Variants in CRPPA observed in about 807,000 individuals in gnomAD.
CRPPA encodes D-ribitol-5-phosphate cytidylyltransferase.
In CRPPA, 43 loss-of-function variants were observed where a neutral mutation model predicts 52.0. That is an observed-to-expected ratio of 0.83 (90% confidence interval 0.65 to 1.07). CRPPA has a LOEUF of 1.07. Among genes scored for constraint, CRPPA ranks in the 50% least tolerant of loss-of-function variants. CRPPA has a pLI of 0.00. For missense variants in CRPPA, 629 were observed against 551.7 expected (o/e 1.14, Z -1.40); for synonymous variants, 250 against 203.5 (o/e 1.23, Z -1.94).
chr7:16,371,752 T>C (rs1786754812), intron 3 of CRPPA, among the ~76,000 whole-genome samples: 1 of 151,734 alleles, frequency 6.6e-6, no homozygotes, highest in Non-Finnish European at 1.5e-5. Flanking sequence ...AGAAAGTTGA[T>C]TATTAAGCTA....
At chr7:16,380,256 T>C (rs1258356771) in intron 2 of CRPPA, among the ~76,000 whole-genome samples, 2 of 151,414 alleles carry the variant, frequency 1.3e-5, no homozygotes, top group African/African-American at 2.4e-5. Flanking sequence ...ATCATGTGGT[T>C]TTTGTCTTTG....
intron 9 of CRPPA, among the ~76,000 whole-genome samples, chr7:16,104,216 TA>T (rs770410667): frequency 2.0e-5 from 3 of 152,200 alleles, no homozygotes; most frequent in Non-Finnish European, 4.4e-5. Context: ...CTGTTCTGAA[TA>T]GAGTAGTGCC....
chr7:16,198,016 G>A (rs1781774992), intron 9 of CRPPA, among the ~76,000 whole-genome samples: 3 of 124,610 alleles, frequency 2.4e-5, no homozygotes, highest in African/African-American at 9.5e-5. Context: ...CAAAAACTGC[G>A]GAAGGCCGCA....
chr7:16,326,612 T>A (rs1299464218), intron 3 of CRPPA, among the ~76,000 whole-genome samples: 1 of 152,210 alleles, frequency 6.6e-6, no homozygotes, highest in Admixed American at 6.5e-5. Flanking sequence ...AATAACTTTT[T>A]AAAAATTCTG....
At chr7:16,331,118 G>A (rs1785541855) in intron 3 of CRPPA, among the ~76,000 whole-genome samples, 1 of 152,134 alleles carries the variant, frequency 6.6e-6, no homozygotes, top group Non-Finnish European at 1.5e-5. Context: ...TCCTGCCTCA[G>A]CCTCCCGAGT....
chr7:16,095,322 T>C (rs1317073504), intron 9 of CRPPA, among the ~76,000 whole-genome samples: 1 of 152,196 alleles, frequency 6.6e-6, no homozygotes, highest in Non-Finnish European at 1.5e-5. Context: ...TATACAGCCT[T>C]GACAACTTAA....
At chr7:16,234,411 G>A (rs1346617356) in intron 8 of CRPPA, among the ~76,000 whole-genome samples, 1 of 151,968 alleles carries the variant, frequency 6.6e-6, no homozygotes, top group Non-Finnish European at 1.5e-5. Context: ...CTAAAAGCAG[G>A]CACTTGTAAG....
chr7:16,242,207 G>A (rs539353572), intron 8 of CRPPA, among the ~76,000 whole-genome samples: 1 of 151,832 alleles, frequency 6.6e-6, no homozygotes, highest in South Asian at 2.1e-4. Context: ...GCCCACCTCT[G>A]CCTCCCAAAG....
intron 2 of CRPPA, among the ~76,000 whole-genome samples, chr7:16,405,541 A>C (rs977109769): frequency 1.3e-5 from 2 of 152,172 alleles, no homozygotes; most frequent in Non-Finnish European, 2.9e-5. Context: ...GAAGGAAAAA[A>C]ATAAACATGC....
intron 9 of CRPPA, among the ~76,000 whole-genome samples, chr7:16,186,252 A>G (rs879331895): frequency 6.6e-6 from 1 of 152,216 alleles, no homozygotes; most frequent in South Asian, 2.1e-4. Flanking sequence ...AGCTAATCCT[A>G]TGGTATTTGG....
chr7:16,160,353 A>G (rs1335757996), intron 9 of CRPPA, among the ~76,000 whole-genome samples: 25 of 152,218 alleles, frequency 1.6e-4, no homozygotes, highest in Admixed American at 1.6e-3. Flanking sequence ...AATAAGGTAT[A>G]AGGAAGGGGT....
At chr7:16,113,098 TGA>T (rs967847087) in intron 9 of CRPPA, among the ~76,000 whole-genome samples, 2 of 151,936 alleles carry the variant, frequency 1.3e-5, no homozygotes, top group Admixed American at 1.3e-4. Flanking sequence ...TCTCTCTCAA[TGA>T]GAGTCTTGAA....
At chr7:16,148,748 C>G (rs964012595) in intron 9 of CRPPA, among the ~76,000 whole-genome samples, 8 of 151,926 alleles carry the variant, frequency 5.3e-5, no homozygotes, top group African/African-American at 1.9e-4. Flanking sequence ...CAGACCAAGT[C>G]CGTGATAATA....
At chr7:16,176,130 C>CA (rs750077973) in intron 9 of CRPPA, among the ~76,000 whole-genome samples, 1 of 152,080 alleles carries the variant, frequency 6.6e-6, no homozygotes, top group South Asian at 2.1e-4. Flanking sequence ...TCTCTACAAA[C>CA]AACCTTAAAT....
intron 9 of CRPPA, among the ~76,000 whole-genome samples, chr7:16,191,252 G>C (rs10228738): frequency 0.029 from 4,360 of 152,130 alleles, 208 homozygotes; most frequent in African/African-American, 0.1. Flanking sequence ...GTATGTTCTA[G>C]AATGAAGACC....
At chr7:16,359,842 G>C (rs963162555) in intron 3 of CRPPA, among the ~76,000 whole-genome samples, 1 of 152,068 alleles carries the variant, frequency 6.6e-6, no homozygotes, top group African/African-American at 2.4e-5. Context: ...CAGTAATTTT[G>C]TGCCTTTGAG....
intron 3 of CRPPA, among the ~76,000 whole-genome samples, chr7:16,365,180 G>T (rs1417521773): frequency 6.6e-6 from 1 of 152,150 alleles, no homozygotes; most frequent in African/African-American, 2.4e-5. Context: ...ACAGGTCATA[G>T]GATCTGGCTT....
chr7:16,379,798 A>G (rs1180445436), intron 2 of CRPPA, among the ~76,000 whole-genome samples: 3 of 152,062 alleles, frequency 2.0e-5, no homozygotes, highest in East Asian at 3.8e-4. Flanking sequence ...TTTGTCTGTT[A>G]TTGATGTATA....
intron 9 of CRPPA, among the ~76,000 whole-genome samples, chr7:16,213,749 CAA>C (rs11454459): frequency 3.8e-5 from 5 of 131,900 alleles, no homozygotes; most frequent in African/African-American, 2.8e-5. Context: ...AACTTCGGCT[CAA>C]AAAAAAAAAA....
Sources: allele counts gnomAD v4.1 joint callset (sites outside exome capture counted in the v4.1 genomes callset), GRCh38; gene constraint gnomAD v4.1.1; transcripts MANE v1.5; gene names NCBI Gene and HGNC (gene_info 2026-07-23, HGNC 2026-07-21).